The following CNTNAP2 variants were observed in gnomAD, a reference collection of about 807,000 sequenced individuals.
The protein encoded by CNTNAP2 is contactin-associated protein-like 2.
CNTNAP2 carries 98 observed loss-of-function variants against 155.2 expected under a neutral mutation model. The observed-to-expected ratio is 0.63, with a 90% CI of 0.54 to 0.75. CNTNAP2 has a LOEUF of 0.75. CNTNAP2 is among the 30% of genes least tolerant of loss of function. The probability of loss-of-function intolerance (pLI) is 0.00; values close to 1 mark genes in which losing one functional copy is unlikely to be tolerated. For synonymous variants in CNTNAP2, 651 were observed against 631.2 expected, an observed-to-expected ratio of 1.03 and a Z score of -0.47; for missense variants, 1,727 against 1,688.1, an observed-to-expected ratio of 1.02 and a Z score of -0.40.
chr7:148,188,797 T>C (rs1422064912), intron 18 of CNTNAP2, among the ~76,000 whole-genome samples: 1 of 152,254 alleles, frequency 6.6e-6, no homozygotes, highest in East Asian at 1.9e-4. Flanking sequence ...ATATATAGCA[T>C]TTCATTCCCT....
intron 14 of CNTNAP2, among the ~76,000 whole-genome samples, chr7:147,956,374 G>A (rs747374331): frequency 6.6e-6 from 1 of 151,368 alleles, no homozygotes; most frequent in Non-Finnish European, 1.5e-5. Context: ...GTTTAAATGA[G>A]CTAGGATGCA....
At chr7:146,292,614 A>G (rs1386630409) in intron 1 of CNTNAP2, among the ~76,000 whole-genome samples, 2 of 152,214 alleles carry the variant, frequency 1.3e-5, no homozygotes, top group South Asian at 4.1e-4. Context: ...TGATTGAGCA[A>G]TCCCATTACT....
chr7:147,880,362 A>G lies in CNTNAP2; in HGVS notation c.2099-23203A>G, dbSNP rs141332110. Among the ~76,000 whole-genome samples the G allele has an allele frequency of 8.8e-3, 1,337 of 152,328 alleles. 21 individuals are homozygous for G. Among genetic ancestry groups the G allele is most frequent in the African/African-American group, 0.031 (1,276 of 41,578 alleles). On this transcript the variant is annotated intron_variant, in intron 13 of 23. Transcript: ENST00000361727. Reference sequence around the variant, plus strand: ...AATCCCAAAAAGTGACCACATGTAGATGAGACAGTCATGACTTTTATGTGC... The same window carrying G: ...AATCCCAAAAAGTGACCACATGTAGGTGAGACAGTCATGACTTTTATGTGC...
intron 9 of CNTNAP2, among the ~76,000 whole-genome samples, chr7:147,349,213 A>T (rs148895153): frequency 6.6e-6 from 1 of 151,944 alleles, no homozygotes; most frequent in Admixed American, 6.6e-5. Context: ...ACCGTTATAC[A>T]TTATATGTAT....
rs559396611 is a variant in CNTNAP2 at position 147,039,987 on chromosome 7, G to A, written c.403-3920G>A. Among the ~76,000 whole-genome samples the A allele has an allele frequency of 9.2e-5, 14 of 152,244 alleles. 1 individual carries two copies. In the South Asian group the frequency reaches 1.7e-3, roughly 18 times the overall value. On this transcript the variant is annotated intron_variant, in intron 3 of 23. Coordinates refer to ENST00000361727, the MANE Select transcript of CNTNAP2 (RefSeq NM_014141.6). ...AATTAAACCTAAGAGCTTCTGCACA[G>A]CAAAAGAAGCTGTCAACAGAGTATA...
intron 9 of CNTNAP2, among the ~76,000 whole-genome samples, chr7:147,357,839 G>C (rs187341220): frequency 1.3e-5 from 2 of 152,012 alleles, no homozygotes; most frequent in Non-Finnish European, 2.9e-5. Context: ...AGTTAATAAA[G>C]CTTCTACGTT....
At chr7:147,050,248 T>A (rs545095494) in intron 4 of CNTNAP2, among the ~76,000 whole-genome samples, 1 of 152,322 alleles carries the variant, frequency 6.6e-6, no homozygotes, top group African/African-American at 2.4e-5. Flanking sequence ...GGTCTCAGAT[T>A]AATAATTTCA....
chr7:147,731,948 C>G (rs977217251), intron 13 of CNTNAP2, among the ~76,000 whole-genome samples: 3 of 151,958 alleles, frequency 2.0e-5, no homozygotes, highest in Admixed American at 2.0e-4. Context: ...AAATTTTGAG[C>G]CTGAAGGTGT....
At chr7:148,349,354 A>G (rs972938543) in intron 21 of CNTNAP2, among the ~76,000 whole-genome samples, 1 of 151,702 alleles carries the variant, frequency 6.6e-6, no homozygotes, top group Non-Finnish European at 1.5e-5. Context: ...CACGTAAAAC[A>G]CACTAACACT....
At chr7:147,924,143 C>CTTTTTTTTTTTTTTTTTTTT (rs71527854) in intron 14 of CNTNAP2, among the ~76,000 whole-genome samples, 1 of 123,494 alleles carries the variant, frequency 8.1e-6, no homozygotes, top group African/African-American at 3.2e-5. Context: ...CTTTTCTTTT[C>CTTTTTTTTTTTTTTTTTTTT]TTTTTTTTTT....
chr7:146,705,648 G>T lies in CNTNAP2; in HGVS notation c.98-68623G>T, dbSNP rs149475351. Among the ~76,000 whole-genome samples, 687 of 152,178 alleles carry T rather than the reference G, an allele frequency of 4.5e-3. 7 individuals are homozygous for T. The highest frequency in any genetic ancestry group is 0.016 in the African/African-American group (650 of 41,520). On this transcript the variant is annotated intron_variant, in intron 1 of 23. Coordinates refer to ENST00000361727, the MANE Select transcript of CNTNAP2 (RefSeq NM_014141.6). ...CATGGCTGGGAGACCTCACAATCAT[G>T]GCGGAAGACAAAGGAAGAGCAAAGA...
At chr7:146,231,006 C>G (rs1467793536) in intron 1 of CNTNAP2, among the ~76,000 whole-genome samples, 3 of 82,268 alleles carry the variant, frequency 3.6e-5, no homozygotes, top group African/African-American at 2.1e-4. Context: ...CAGAGCGAGA[C>G]TTTGTCTCAA....
At chr7:146,358,529 C>T (rs567651455) in intron 1 of CNTNAP2, among the ~76,000 whole-genome samples, 1 of 152,018 alleles carries the variant, frequency 6.6e-6, no homozygotes, top group Non-Finnish European at 1.5e-5. Context: ...TCAACGCAGA[C>T]CTGTGGAGAC....
intron 3 of CNTNAP2, among the ~76,000 whole-genome samples, chr7:146,903,653 G>C (rs1463754919): frequency 6.6e-6 from 1 of 152,098 alleles, no homozygotes; most frequent in Admixed American, 6.6e-5. Context: ...CTTAGGCAAA[G>C]GAATCAGCGG....
rs1804818397 is a variant in CNTNAP2 at position 147,273,736 on chromosome 7, AT to A, written c.1349-26404del. On this transcript the variant is annotated intron_variant, in intron 8 of 23. Coordinates refer to ENST00000361727, the MANE Select transcript of CNTNAP2 (RefSeq NM_014141.6). ...TATTTCATCATTTTATATATGTAAT[AT>A]ATATTTTATATATGTAATATATATT... Among the ~76,000 whole-genome samples, 6 of 140,002 alleles carry A rather than the reference AT, an allele frequency of 4.3e-5. No homozygotes were observed. The South Asian group carries it at 1.3e-3, about 29-fold the overall frequency. 91.8% of individuals were successfully genotyped at this position (140,002 alleles called of 152,430 possible). A position where few individuals can be genotyped will look rare whatever the true frequency, so the allele number is the denominator to read the frequency against.
At chr7:147,362,094 A>G (rs1490553088) in intron 9 of CNTNAP2, among the ~76,000 whole-genome samples, 1 of 152,162 alleles carries the variant, frequency 6.6e-6, no homozygotes, top group Non-Finnish European at 1.5e-5. Context: ...ATAACAGTGC[A>G]GGGCTCCAAG....
intron 1 of CNTNAP2, among the ~76,000 whole-genome samples, chr7:146,561,505 A>G (rs1304572914): frequency 6.6e-6 from 1 of 152,074 alleles, no homozygotes; most frequent in African/African-American, 2.4e-5. Flanking sequence ...TTTTAGAAAA[A>G]AAAATTAGCA....
chr7:146,314,171 A>G (rs562123348), intron 1 of CNTNAP2, among the ~76,000 whole-genome samples: 10 of 152,320 alleles, frequency 6.6e-5, no homozygotes, highest in African/African-American at 1.9e-4. Context: ...TCAATTGATC[A>G]TAAATACTTG....
In CNTNAP2 at chr7:147,149,916, C is replaced by T. The variant is rs182851939; in HGVS notation, c.1348+17407C>T. 3.9e-5 allele frequency among the ~76,000 whole-genome samples: 6 copies of T among 152,264 alleles called. No homozygotes were observed. In the East Asian group the frequency reaches 9.7e-4, roughly 25 times the overall value. Reference sequence around the variant, plus strand: ...TAGTTAAAAGATATAACTATCACAACTTGGCAATAGGTCTATGCAGAGTGT... The same window carrying T: ...TAGTTAAAAGATATAACTATCACAATTTGGCAATAGGTCTATGCAGAGTGT... On this transcript the variant is annotated intron_variant, in intron 8 of 23. Transcript: ENST00000361727.
Sources: allele counts gnomAD v4.1 joint callset (sites outside exome capture counted in the v4.1 genomes callset), GRCh38; gene constraint gnomAD v4.1.1; transcripts MANE v1.5; gene names NCBI Gene and HGNC (gene_info 2026-07-23, HGNC 2026-07-21).